CNTLN: variants seen among roughly 807,000 people sequenced by gnomAD.
CNTLN encodes the protein centlein.
In CNTLN, 212 loss-of-function variants were observed where a neutral mutation model predicts 180.0. The ratio of observed to expected loss-of-function variants is 1.18; its 90% CI spans 1.05 to 1.32. The LOEUF is 1.32. Among genes scored for constraint, CNTLN ranks in the 40% most tolerant of loss-of-function variants. CNTLN has a pLI of 0.00. For missense variants in CNTLN, 2,095 were observed against 1,610.9 expected (o/e 1.30, Z -5.14); for synonymous variants, 722 against 563.1 (o/e 1.28, Z -3.99).
chr9:17,231,421 CT>C (rs533136705), intron 3 of CNTLN, among the ~76,000 whole-genome samples: 1 of 151,600 alleles, frequency 6.6e-6, no homozygotes, highest in Non-Finnish European at 1.5e-5. Context: ...AAAGAATTGC[CT>C]TTTTTTGGGT....
the CNTLN span, among the ~76,000 whole-genome samples, chr9:17,512,960 G>A: frequency 0.021 from 3,180 of 152,148 alleles, 48 homozygotes; most frequent in Non-Finnish European, 0.03. Flanking sequence ...GGGACTACAG[G>A]CGCCCACCAC....
chr9:17,318,692 A>T (rs1819701345), intron 8 of CNTLN, among the ~76,000 whole-genome samples: 1 of 152,138 alleles, frequency 6.6e-6, no homozygotes, highest in Non-Finnish European at 1.5e-5. Flanking sequence ...TAGAGGAGAG[A>T]TGTGGAAGCC....
intron 5 of CNTLN, among the ~76,000 whole-genome samples, chr9:17,244,125 C>A (rs1825661175): frequency 6.6e-6 from 1 of 151,396 alleles, no homozygotes; most frequent in South Asian, 2.1e-4. Context: ...ATAGCTACTC[C>A]TGCTCCTTTT....
At chr9:17,220,846 T>C (rs1026707610) in intron 2 of CNTLN, among the ~76,000 whole-genome samples, 7 of 152,182 alleles carry the variant, frequency 4.6e-5, no homozygotes, top group Non-Finnish European at 1.0e-4. Context: ...CAGTCCATCA[T>C]TGATGGGCAT....
At chr9:17,408,116 G>T (rs1197881813) in intron 15 of CNTLN, among the ~76,000 whole-genome samples, 1 of 108,748 alleles carries the variant, frequency 9.2e-6, no homozygotes, top group Non-Finnish European at 1.7e-5. Flanking sequence ...ACAACAGAGT[G>T]AGACTCTGTC....
At chr9:17,416,244 T>G in intron 18 of CNTLN, 55 bp downstream of exon 18, 1 of 1,404,786 alleles carries the variant, frequency 7.1e-7, no homozygotes, top group Non-Finnish European at 9.8e-7. Flanking sequence ...AAGTGGATAT[T>G]TTGTTTTACA....
intron 2 of CNTLN, among the ~76,000 whole-genome samples, chr9:17,221,184 A>T (rs1389562261): frequency 6.6e-6 from 1 of 152,102 alleles, no homozygotes; most frequent in Non-Finnish European, 1.5e-5. Flanking sequence ...CTGATTTTAT[A>T]ATGATAAGCT....
intron 18 of CNTLN, among the ~76,000 whole-genome samples, chr9:17,441,558 G>A (rs1442358754): frequency 1.4e-5 from 2 of 137,968 alleles, no homozygotes; most frequent in Non-Finnish European, 3.1e-5. Flanking sequence ...GAAGATACAT[G>A]AAGAAAGTGA....
intron 23 of CNTLN, among the ~76,000 whole-genome samples, chr9:17,469,142 A>G (rs1420634896): frequency 4.0e-5 from 6 of 151,736 alleles, no homozygotes; most frequent in Admixed American, 6.6e-5. Flanking sequence ...TCTGGAGTGG[A>G]GCCTAATCTG....
chr9:17,263,989 A>G (rs903258258), intron 5 of CNTLN, among the ~76,000 whole-genome samples: 4 of 145,146 alleles, frequency 2.8e-5, no homozygotes, highest in Admixed American at 6.8e-5. Flanking sequence ...CCCATTTTGT[A>G]GGTTGCCTGT....
chr9:17,151,979 C>T (rs139431532), intron 2 of CNTLN, among the ~76,000 whole-genome samples: 3,027 of 152,022 alleles, frequency 0.02, 66 homozygotes, highest in African/African-American at 0.053. Context: ...TGATGGTAGT[C>T]TGTATTTCTT....
chr9:17,403,038 A>G (rs1325170888), intron 15 of CNTLN, among the ~76,000 whole-genome samples: 1 of 151,716 alleles, frequency 6.6e-6, no homozygotes, highest in Non-Finnish European at 1.5e-5. Flanking sequence ...GCGTCAAAAG[A>G]GGCATTTTTC....
intron 18 of CNTLN, among the ~76,000 whole-genome samples, chr9:17,456,592 T>C (rs1441445675): frequency 6.6e-6 from 1 of 152,190 alleles, no homozygotes; most frequent in Non-Finnish European, 1.5e-5. Flanking sequence ...TACTGTACAC[T>C]TTAGCTACAT....
intron 18 of CNTLN, among the ~76,000 whole-genome samples, chr9:17,446,131 C>T (rs1035608918): frequency 3.9e-5 from 6 of 152,168 alleles, no homozygotes; most frequent in East Asian, 1.9e-4. Context: ...TCCCCCTCTT[C>T]GAGAAACACC....
At chr9:17,493,544 C>T (rs1381451783) in intron 25 of CNTLN, among the ~76,000 whole-genome samples, 1 of 152,148 alleles carries the variant, frequency 6.6e-6, no homozygotes. Context: ...GACTCCTATT[C>T]TTGCACCTTG....
At chr9:17,299,695 T>C in intron 7 of CNTLN, 1 of 977,288 alleles carries the variant, frequency 1.0e-6, no homozygotes, top group Non-Finnish European at 1.2e-6. Flanking sequence ...GTGTTTTTTG[T>C]TTCTAAAGCA....
chr9:17,165,723 G>T (rs912553072), intron 2 of CNTLN, among the ~76,000 whole-genome samples: 2 of 152,144 alleles, frequency 1.3e-5, no homozygotes, highest in African/African-American at 4.8e-5. Flanking sequence ...ATGAAAACTG[G>T]GGGAATAAGT....
At chr9:17,443,030 A>T (rs1273385736) in intron 18 of CNTLN, among the ~76,000 whole-genome samples, 1 of 152,338 alleles carries the variant, frequency 6.6e-6, no homozygotes, top group East Asian at 1.9e-4. Context: ...CAGTTCTGTT[A>T]AAAGGTGTCT....
chr9:17,442,116 A>G (rs1830146144), intron 18 of CNTLN, among the ~76,000 whole-genome samples: 1 of 152,234 alleles, frequency 6.6e-6, no homozygotes, highest in Non-Finnish European at 1.5e-5. Flanking sequence ...AACAATGGAT[A>G]GAACAAGATT....
Sources: allele counts gnomAD v4.1 joint callset (sites outside exome capture counted in the v4.1 genomes callset), GRCh38; gene constraint gnomAD v4.1.1; transcripts MANE v1.5; gene names NCBI Gene and HGNC (gene_info 2026-07-23, HGNC 2026-07-21).